Variants in ERC2 observed in about 807,000 individuals in gnomAD.
ERC2 encodes the protein ELKS/RAB6-interacting/CAST family member 2.
ERC2 carries 42 observed loss-of-function variants against 114.8 expected under a neutral mutation model. The observed-to-expected ratio is 0.37, with a 90% CI of 0.29 to 0.47. The LOEUF is 0.47. Among genes scored for constraint, ERC2 ranks in the 20% least tolerant of loss-of-function variants. The probability of loss-of-function intolerance (pLI) is 0.99; values close to 1 mark genes in which losing one functional copy is unlikely to be tolerated. For missense variants in ERC2, 939 were observed against 1,150.7 expected, an observed-to-expected ratio of 0.82 and a Z score of 2.66; for synonymous variants, 454 against 425.5, an observed-to-expected ratio of 1.07 and a Z score of -0.82.
At chr3:55,881,657 C>G (rs1476508354) in intron 14 of ERC2, among the ~76,000 whole-genome samples, 13 of 152,072 alleles carry the variant, frequency 8.5e-5, no homozygotes, top group East Asian at 1.9e-4. Context: ...TTTCTTTTAG[C>G]CACAGATTTC....
At chr3:56,359,573 G>T (rs2150553486) in intron 2 of ERC2, among the ~76,000 whole-genome samples, 1 of 152,340 alleles carries the variant, frequency 6.6e-6, no homozygotes, top group African/African-American at 2.4e-5. Flanking sequence ...AAAGTGACTT[G>T]CCCAAGGCCA....
intron 5 of ERC2, among the ~76,000 whole-genome samples, chr3:56,146,020 C>T (rs777278956): frequency 2.0e-5 from 3 of 152,116 alleles, no homozygotes; most frequent in Non-Finnish European, 4.4e-5. Flanking sequence ...GGTGTGGTGG[C>T]TCACATCTGT....
chr3:56,438,046 C>T (rs1440472110), intron 1 of ERC2, among the ~76,000 whole-genome samples: 1 of 152,184 alleles, frequency 6.6e-6, no homozygotes, highest in Non-Finnish European at 1.5e-5. Context: ...AAATTTTCTA[C>T]AATTGAAACT....
At chr3:56,069,421 TTCACAGTTGTGTAAG>T (rs1345348945) in intron 7 of ERC2, among the ~76,000 whole-genome samples, 1 of 152,194 alleles carries the variant, frequency 6.6e-6, no homozygotes, top group Non-Finnish European at 1.5e-5. Flanking sequence ...CATTTATTAG[TTCACAGTTGTGTAAG>T]TCAGAAGTCT....
chr3:56,224,480 C>T (rs2050125673), intron 3 of ERC2, among the ~76,000 whole-genome samples: 3 of 152,054 alleles, frequency 2.0e-5, no homozygotes, highest in Admixed American at 2.0e-4. Flanking sequence ...GTAAAAGGAA[C>T]ACAGAGCAGG....
chr3:55,638,847 C>A (rs529884214), intron 17 of ERC2, among the ~76,000 whole-genome samples: 38 of 152,286 alleles, frequency 2.5e-4, no homozygotes, highest in African/African-American at 8.9e-4. Context: ...ACTCACCAAA[C>A]TACATTAGAA....
chr3:55,997,103 TA>T (rs1435423543), intron 10 of ERC2, among the ~76,000 whole-genome samples: 5 of 152,206 alleles, frequency 3.3e-5, no homozygotes, highest in African/African-American at 1.2e-4. Context: ...TTACATTATA[TA>T]ACACGTTCCC....
Position 56,296,007 on chromosome 3 carries a change from G to A in ERC2, c.1074+12C>T. 2.6e-6 allele frequency: 4 copies of A among 1,545,274 alleles called. No individual in the cohort carries two copies. Among genetic ancestry groups the A allele is most frequent in the Non-Finnish European group, 3.5e-6 (4 of 1,146,912 alleles). ...AATTAAGGCTTTGGGGAAATACAGT[G>A]AATGCTCTTACCTCTCTAAGATGTA... On this transcript the variant is annotated intron_variant, in intron 3 of 17. Coordinates refer to ENST00000288221, the MANE Select transcript of ERC2 (RefSeq NM_015576.3).
At chr3:55,906,205 G>C (rs999588153) in intron 13 of ERC2, among the ~76,000 whole-genome samples, 1 of 149,942 alleles carries the variant, frequency 6.7e-6, no homozygotes, top group African/African-American at 2.5e-5. Context: ...GGCCGGGCGC[G>C]GTGGCTCACG....
At chr3:56,398,675 A>C (rs2060407191) in intron 2 of ERC2, among the ~76,000 whole-genome samples, 1 of 152,052 alleles carries the variant, frequency 6.6e-6, no homozygotes, top group Non-Finnish European at 1.5e-5. Flanking sequence ...GCCAGGCTGT[A>C]GTGCAGTAGC....
At chr3:55,935,783 C>T (rs2066403544) in intron 13 of ERC2, among the ~76,000 whole-genome samples, 1 of 152,132 alleles carries the variant, frequency 6.6e-6, no homozygotes, top group South Asian at 2.1e-4. Context: ...TTACGCTGCC[C>T]TCCCTGCTCT....
chr3:55,585,056 G>C (rs1343944339), intron 17 of ERC2, among the ~76,000 whole-genome samples: 1 of 152,204 alleles, frequency 6.6e-6, no homozygotes, highest in Non-Finnish European at 1.5e-5. Context: ...GAGGAAGCGA[G>C]GCTCTTTCGG....
intron 1 of ERC2, among the ~76,000 whole-genome samples, chr3:56,465,263 G>A (rs2063491730): frequency 1.3e-5 from 2 of 152,184 alleles, no homozygotes; most frequent in South Asian, 4.1e-4. Context: ...GAGAGGCATG[G>A]TGGCGGGCAC....
intron 7 of ERC2, among the ~76,000 whole-genome samples, chr3:56,055,010 G>A (rs555732083): frequency 8.5e-5 from 13 of 152,242 alleles, no homozygotes; most frequent in Non-Finnish European, 1.3e-4. Flanking sequence ...ACTGAGGCTC[G>A]GAAAGACAAT....
At chr3:55,843,552 T>C (rs912613470) in intron 14 of ERC2, among the ~76,000 whole-genome samples, 46 of 152,394 alleles carry the variant, frequency 3.0e-4, no homozygotes, top group African/African-American at 1.1e-3. Flanking sequence ...GTGTGATTTA[T>C]TGTCATGGAC....
intron 13 of ERC2, among the ~76,000 whole-genome samples, chr3:55,892,662 G>A (rs1183817685): frequency 6.6e-6 from 1 of 151,966 alleles, no homozygotes; most frequent in Admixed American, 6.6e-5. Context: ...CCACCTAGAA[G>A]TAAACATTAT....
At chr3:55,883,796 G>A (rs997156830) in intron 14 of ERC2, among the ~76,000 whole-genome samples, 33 of 152,142 alleles carry the variant, frequency 2.2e-4, no homozygotes, top group African/African-American at 7.7e-4. Flanking sequence ...GTGGAGGCAG[G>A]AGAATGGTGT....
chr3:55,797,171 C>T (rs2070584694), intron 14 of ERC2, among the ~76,000 whole-genome samples: 1 of 152,164 alleles, frequency 6.6e-6, no homozygotes, highest in Admixed American at 6.5e-5. Context: ...GAAAGGCCCT[C>T]TCAAAACATT....
chr3:55,627,332 G>T (rs2059557752), intron 17 of ERC2, among the ~76,000 whole-genome samples: 1 of 152,136 alleles, frequency 6.6e-6, no homozygotes, highest in South Asian at 2.1e-4. Context: ...CAGGCATGAT[G>T]GTGGGTGACT....
Sources: allele counts gnomAD v4.1 joint callset (sites outside exome capture counted in the v4.1 genomes callset), GRCh38; gene constraint gnomAD v4.1.1; transcripts MANE v1.5; gene names NCBI Gene and HGNC (gene_info 2026-07-23, HGNC 2026-07-21).